DTNB: variants seen among roughly 807,000 people sequenced by gnomAD.
DTNB encodes the protein DTN-B.
Under a neutral mutation model 90.7 loss-of-function variants are expected in DTNB, and 63 were observed. The observed-to-expected ratio is 0.69, with a 90% CI of 0.57 to 0.86. DTNB has a LOEUF of 0.86. Ranked by LOEUF, DTNB falls within the 40% of genes least tolerant of loss-of-function variation. The pLI is 0.00. For missense variants in DTNB, 744 were observed against 807.1 expected, an observed-to-expected ratio of 0.92 and a Z score of 0.95; for synonymous variants, 277 against 286.7, an observed-to-expected ratio of 0.97 and a Z score of 0.34.
intron 3 of DTNB, among the ~76,000 whole-genome samples, chr2:25,634,112 C>T (rs1205321273): frequency 5.1e-5 from 6 of 117,420 alleles, no homozygotes; most frequent in South Asian, 2.9e-4. Context: ...GGGAGGTGGG[C>T]GAGTCAGCCC....
chr2:25,499,568 T>A lies in DTNB; in HGVS notation c.1002-16695A>T, dbSNP rs116825534. Among the ~76,000 whole-genome samples the A allele has an allele frequency of 1.7e-3, 260 of 152,364 alleles. 1 individual carries two copies. The highest frequency in any genetic ancestry group is 5.8e-3 in the African/African-American group (241 of 41,594). On this transcript the variant is annotated intron_variant, in intron 9 of 20. Coordinates refer to ENST00000406818, the MANE Select transcript of DTNB (RefSeq NM_021907.5). ...GGAATAAAATGTTCTACTGCTTTTT[T>A]AAAAAGTTTGAAAACCCCTTTCCTG...
chr2:25,419,337 A>G, intron 16 of DTNB, 178 bp downstream of exon 16: 1 of 898,838 alleles, frequency 1.1e-6, no homozygotes, highest in Non-Finnish European at 1.8e-6. Flanking sequence ...CTACTGGGTA[A>G]ACATGCCTTG....
At position 25,639,097 on chromosome 2, in the gene DTNB, GA is replaced by G. The variant is rs1343222511; in HGVS notation, c.68-4del. The G allele has an allele frequency of 7.6e-6, 12 of 1,569,386 alleles. No homozygotes were observed. Among genetic ancestry groups the G allele is most frequent in the East Asian group, 2.3e-5 (1 of 43,872 alleles). On this transcript the variant is annotated splice_polypyrimidine_tract_variant and splice_region_variant and intron_variant, in intron 2 of 20. Transcript: ENST00000406818. ...TATGACATCAAAATTCTGAGCACCT[GA>G]AAAAAGGCAAACAGAAATGCTCAAC...
chr2:25,561,563 C>T (rs1334930099), intron 8 of DTNB, among the ~76,000 whole-genome samples: 1 of 152,120 alleles, frequency 6.6e-6, no homozygotes, highest in Non-Finnish European at 1.5e-5. Context: ...AGAGGTGGGG[C>T]GTGGTGGGAG....
chr2:25,478,530 T>TC (rs1264345056), intron 10 of DTNB, among the ~76,000 whole-genome samples: 1 of 151,970 alleles, frequency 6.6e-6, no homozygotes, highest in African/African-American at 2.4e-5. Context: ...TTCTTCTTCT[T>TC]CTTTTTTTTT....
At chr2:25,383,716 G>T in intron 19 of DTNB, 120 bp downstream of exon 19, 1 of 1,594,432 alleles carries the variant, frequency 6.3e-7, no homozygotes. Context: ...CAGGGACCTC[G>T]GGTCCGAAAG....
intron 8 of DTNB, among the ~76,000 whole-genome samples, chr2:25,568,049 T>C (rs1330195053): frequency 6.6e-6 from 1 of 151,896 alleles, no homozygotes; most frequent in Non-Finnish European, 1.5e-5. Flanking sequence ...TCCCAGCTAC[T>C]TGGGAGGCTG....
intron 8 of DTNB, among the ~76,000 whole-genome samples, chr2:25,566,866 A>C (rs1323117221): frequency 6.6e-6 from 1 of 152,214 alleles, no homozygotes; most frequent in Non-Finnish European, 1.5e-5. Flanking sequence ...CAGCGGTGCT[A>C]AAGGGAAGTG....
chr2:25,531,600 G>C lies in DTNB; in HGVS notation c.877-3C>G, dbSNP rs369278727. 5 of 1,612,962 alleles carry C rather than the reference G, an allele frequency of 3.1e-6. No individual in the cohort carries two copies. Among genetic ancestry groups the C allele is most frequent in the African/African-American group, 2.7e-5 (2 of 74,952 alleles). Reference sequence around the variant, plus strand: ...CTCAGCTTCTTTGCAGGAGATTTCTGTGTCAAAGCAGAAAATAGTAAGGAA... The same window carrying C: ...CTCAGCTTCTTTGCAGGAGATTTCTCTGTCAAAGCAGAAAATAGTAAGGAA... On this transcript the variant is annotated splice_region_variant and splice_polypyrimidine_tract_variant and intron_variant, in intron 8 of 20. Coordinates refer to ENST00000406818, the MANE Select transcript of DTNB (RefSeq NM_021907.5).
intron 1 of DTNB, among the ~76,000 whole-genome samples, chr2:25,656,061 C>G (rs1482242487): frequency 6.6e-6 from 1 of 152,172 alleles, no homozygotes; most frequent in African/African-American, 2.4e-5. Context: ...TCTTCCCTCT[C>G]CTATCTCACT....
chr2:25,602,993 ATTC>A lies in DTNB; in HGVS notation c.448+4240_448+4242del, dbSNP rs558916328. On this transcript the variant is annotated intron_variant, in intron 5 of 20. Transcript: ENST00000406818. The stretch of plus-strand genomic sequence containing the variant: ...AAAACTTGGGGTACACTTCTGATTA[ATTC>A]CTTAGGATAAACTCAAGAAGTAGAC... Among the ~76,000 whole-genome samples the A allele has an allele frequency of 3.9e-3, 598 of 152,322 alleles. 1 individual carries two copies. Among genetic ancestry groups the A allele is most frequent in the Admixed American group, 6.3e-3 (97 of 15,302 alleles).
At chr2:25,563,769 A>C (rs189888143) in intron 8 of DTNB, among the ~76,000 whole-genome samples, 16 of 152,338 alleles carry the variant, frequency 1.1e-4, no homozygotes, top group African/African-American at 3.6e-4. Flanking sequence ...AACAAATACA[A>C]GGGTTTATTT....
intron 9 of DTNB, 92 bp from the exon 10 acceptor site, chr2:25,482,965 A>C: frequency 7.7e-7 from 1 of 1,291,858 alleles, no homozygotes; most frequent in Non-Finnish European, 1.0e-6. Context: ...AAAGGGACCA[A>C]TCATCATTCG....
intron 16 of DTNB, among the ~76,000 whole-genome samples, chr2:25,406,846 A>G (rs1277318670): frequency 6.6e-6 from 1 of 152,024 alleles, no homozygotes; most frequent in Non-Finnish European, 1.5e-5. Flanking sequence ...CCAAGAATAG[A>G]CTGCCGTATC....
At chr2:25,414,026 G>A (rs1452788641) in intron 16 of DTNB, among the ~76,000 whole-genome samples, 1 of 152,166 alleles carries the variant, frequency 6.6e-6, no homozygotes, top group Non-Finnish European at 1.5e-5. Context: ...TTCTCTGATG[G>A]CCAGTGATGA....
intron 3 of DTNB, among the ~76,000 whole-genome samples, chr2:25,633,451 C>T (rs368732272): frequency 1.3e-5 from 2 of 152,168 alleles, no homozygotes; most frequent in East Asian, 3.9e-4. Context: ...CAGACGGAGT[C>T]TGGTTCACTC....
At chr2:25,631,272 T>G (rs1200669500) in intron 3 of DTNB, among the ~76,000 whole-genome samples, 2 of 152,166 alleles carry the variant, frequency 1.3e-5, no homozygotes, top group African/African-American at 4.8e-5. Flanking sequence ...CAGCGAATAA[T>G]GATAAAAGTT....
Position 25,394,383 on chromosome 2 carries a change from T to G in DTNB, c.1576-6022A>C, listed in dbSNP as rs1026673527. Among the ~76,000 whole-genome samples the G allele has an allele frequency of 5.3e-5, 8 of 151,626 alleles. No homozygotes were observed. The South Asian group carries it at 1.5e-3, about 28-fold the overall frequency. On this transcript the variant is annotated intron_variant, in intron 16 of 20. Coordinates refer to ENST00000406818, the MANE Select transcript of DTNB (RefSeq NM_021907.5). Reference sequence around the variant, plus strand: ...CAAAAGCAAATGCAACAAACAAAGATAAATAGATGGGACTTAATTAAACTA... The same window carrying G: ...CAAAAGCAAATGCAACAAACAAAGAGAAATAGATGGGACTTAATTAAACTA...
intron 9 of DTNB, among the ~76,000 whole-genome samples, chr2:25,516,543 G>A (rs530904329): frequency 1.8e-4 from 27 of 150,792 alleles, no homozygotes; most frequent in African/African-American, 3.6e-4. Context: ...GTGAGCCACC[G>A]TGCCCGGCCT....
Sources: gnomAD v4.1 joint callset for allele counts (sites outside exome capture counted in the v4.1 genomes callset) on GRCh38, gnomAD v4.1.1 for gene constraint, MANE v1.5 for transcripts, NCBI Gene and HGNC (gene_info 2026-07-23, HGNC 2026-07-21) for gene names.